Variants in TRIO observed in about 807,000 individuals in gnomAD.
TRIO encodes the protein trio Rho guanine nucleotide exchange factor, also known as triple functional domain protein.
A neutral mutation model predicts 351.9 loss-of-function variants in TRIO; 58 were observed. The ratio of observed to expected loss-of-function variants is 0.16; its 90% CI spans 0.13 to 0.21. The LOEUF (loss-of-function observed/expected upper bound fraction) is 0.21, where lower values mean the gene tolerates loss of function less well. Ranked by LOEUF, TRIO falls within the 10% of genes least tolerant of loss-of-function variation. The pLI, the probability that TRIO is intolerant of heterozygous loss-of-function variation, is 1.00. For synonymous variants in TRIO, 1,758 were observed against 1,595.7 expected, an observed-to-expected ratio of 1.10 and a Z score of -2.42; for missense variants, 3,201 against 4,027.8, an observed-to-expected ratio of 0.79 and a Z score of 5.56.
chr5:14,449,539 A>ACAG (rs1752686814), intron 34 of TRIO, among the ~76,000 whole-genome samples: 2 of 152,190 alleles, frequency 1.3e-5, no homozygotes, highest in Admixed American at 6.5e-5. Context: ...ACAAGGCAGA[A>ACAG]CAGCTATAGG....
intron 53 of TRIO, among the ~76,000 whole-genome samples, chr5:14,500,049 T>TA (rs759222831): frequency 0.026 from 2,011 of 76,444 alleles, 52 homozygotes; most frequent in African/African-American, 0.072. Flanking sequence ...AGACTCTGTC[T>TA]CAAAAAAAAA....
intron 11 of TRIO, among the ~76,000 whole-genome samples, chr5:14,344,516 AT>A (rs1480268177): frequency 6.6e-6 from 1 of 152,210 alleles, no homozygotes; most frequent in East Asian, 1.9e-4. Context: ...GGATAATACA[AT>A]CTCTAAGGAA....
chr5:14,488,020 G>A lies in TRIO; in HGVS notation c.7392G>A (p.Ala2464=). ...CGCTGAACTCGCCGCTCTCCAGCGC[G>A]GTCCCTTCTCTCGGCAAGGAGCCCT... ...ASPLNSPLSS[A]VPSLGKEPFP... is the part of the protein sequence containing the mutation. Residue 2464 remains alanine, a synonymous_variant, in exon 48 of 57, where the codon GCG becomes GCA. Coordinates refer to ENST00000344204, the MANE Select transcript of TRIO (RefSeq NM_007118.4). The A allele has an allele frequency of 6.3e-7, 1 of 1,595,556 alleles. No individual in the cohort carries two copies. Among genetic ancestry groups the A allele is most frequent in the South Asian group, 1.1e-5 (1 of 88,348 alleles).
intron 18 of TRIO, among the ~76,000 whole-genome samples, chr5:14,372,523 A>G (rs548686699): frequency 6.6e-6 from 1 of 152,186 alleles, no homozygotes; most frequent in South Asian, 2.1e-4. Flanking sequence ...TAATTCTATC[A>G]TTTCCTTTGG....
rs551682098 is a variant in TRIO, at chr5:14,489,698, A to C, written c.7632+1438A>C. Among the ~76,000 whole-genome samples the C allele has an allele frequency of 3.3e-5, 5 of 152,362 alleles. No homozygotes were observed. In the South Asian group the frequency reaches 6.2e-4, roughly 19 times the overall value. On this transcript the variant is annotated intron_variant, in intron 48 of 56. Transcript: ENST00000344204. The stretch of plus-strand genomic sequence containing the variant: ...CTGCTCCAAGACAGGAGCCAATGCC[A>C]GTCTTCTCTGGACATTCATGAGAAG...
At chr5:14,177,600 CAG>C (rs372244889) in intron 1 of TRIO, among the ~76,000 whole-genome samples, 242 of 152,320 alleles carry the variant, frequency 1.6e-3, no homozygotes, top group African/African-American at 5.6e-3. Context: ...AAAAAGCTAA[CAG>C]GGTAGAGAGA....
rs570866791 is a variant in TRIO at position 14,401,082 on chromosome 5, T to C, written c.4716+18T>C. 5.0e-6 allele frequency: 8 copies of C among 1,602,068 alleles called. No individual in the cohort carries two copies. In the African/African-American group the frequency reaches 9.4e-5, roughly 19 times the overall value. On this transcript the variant is annotated intron_variant, in intron 31 of 56. Coordinates refer to ENST00000344204, the MANE Select transcript of TRIO (RefSeq NM_007118.4). ...TCCTTAAGGTACGTTCATTTGAAGC[T>C]GGGAATGTGCTGTTTGAAACATTTA...
chr5:14,413,690 C>T (rs927774856), intron 33 of TRIO, among the ~76,000 whole-genome samples: 2 of 152,174 alleles, frequency 1.3e-5, no homozygotes, highest in South Asian at 4.1e-4. Context: ...CAAAATCCCC[C>T]AGGCAGAAGT....
At chr5:14,203,401 C>T (rs1791257481) in intron 1 of TRIO, among the ~76,000 whole-genome samples, 1 of 152,136 alleles carries the variant, frequency 6.6e-6, no homozygotes, top group Non-Finnish European at 1.5e-5. Context: ...AAAAGCCTTA[C>T]AAAACATCAT....
intron 34 of TRIO, among the ~76,000 whole-genome samples, chr5:14,460,359 G>A (rs1386293410): frequency 6.6e-6 from 1 of 152,200 alleles, no homozygotes; most frequent in African/African-American, 2.4e-5. Flanking sequence ...AAGAGGCTGA[G>A]GGCCGCTCCT....
Position 14,508,286 on chromosome 5 carries a change from GC to G in TRIO, c.9159del (p.Asn3054ThrfsTer13), listed in dbSNP as rs1331540942. On this transcript the variant is annotated frameshift_variant, in exon 57 of 57. Transcript: ENST00000344204. LOFTEE classifies it high-confidence loss of function. Reference sequence around the variant, plus strand: ...CTCCAGGAGCAGTGGCTGCAGGCCGGCAACGGCAGAAGCACGGGCGTCCTCG... The same window carrying G: ...CTCCAGGAGCAGTGGCTGCAGGCCGGAACGGCAGAAGCACGGGCGTCCTCG... ...LALQEQWLQAGNGRSTGVLDT... is the reference protein window; with the variant it reads ...LALQEQWLQAXNGRSTGVLDT... 4 of 1,613,770 alleles carry G rather than the reference GC, an allele frequency of 2.5e-6. No homozygotes were observed. The highest frequency in any genetic ancestry group is 3.4e-6 in the Non-Finnish European group (4 of 1,180,046).
chr5:14,283,103 T>A (rs1013253707), intron 3 of TRIO, among the ~76,000 whole-genome samples: 2 of 152,188 alleles, frequency 1.3e-5, no homozygotes, highest in Non-Finnish European at 2.9e-5. Flanking sequence ...ATTTCACCAA[T>A]CTGTAAAAAT....
At chr5:14,455,017 G>A (rs932050436) in intron 34 of TRIO, among the ~76,000 whole-genome samples, 2 of 150,398 alleles carry the variant, frequency 1.3e-5, no homozygotes, top group African/African-American at 2.5e-5. Flanking sequence ...TTGTTCATTC[G>A]TCCCGGTGGG....
At chr5:14,265,099 T>TC (rs534347472) in intron 1 of TRIO, among the ~76,000 whole-genome samples, 22 of 149,212 alleles carry the variant, frequency 1.5e-4, no homozygotes, top group African/African-American at 4.6e-4. Context: ...TTTTTTTTTT[T>TC]CCCAATCTCT....
At chr5:14,394,907 T>C (rs1268898419) in intron 28 of TRIO, among the ~76,000 whole-genome samples, 1 of 152,198 alleles carries the variant, frequency 6.6e-6, no homozygotes, top group Non-Finnish European at 1.5e-5. Context: ...ATTGACAGAT[T>C]TTGTCTGGTA....
chr5:14,393,437 C>G (rs889393185), intron 27 of TRIO, among the ~76,000 whole-genome samples: 1 of 152,154 alleles, frequency 6.6e-6, no homozygotes, highest in African/African-American at 2.4e-5. Flanking sequence ...GAAATCATGC[C>G]TGAGAGATTT....
chr5:14,399,754 G>A lies in TRIO; in HGVS notation c.4614+684G>A, dbSNP rs115690285. Among the ~76,000 whole-genome samples the A allele has an allele frequency of 6.0e-3, 911 of 152,260 alleles. 9 individuals carry two copies. Among genetic ancestry groups the A allele is most frequent in the African/African-American group, 0.021 (866 of 41,540 alleles). ...TACCAGCCTCCCCAAGGGCAGCATC[G>A]TCTCTGGATCCAGTGTACTTCCATC... On this transcript the variant is annotated intron_variant, in intron 30 of 56. Coordinates refer to ENST00000344204, the MANE Select transcript of TRIO (RefSeq NM_007118.4).
At chr5:14,414,819 A>G (rs1749506681) in intron 33 of TRIO, among the ~76,000 whole-genome samples, 1 of 152,140 alleles carries the variant, frequency 6.6e-6, no homozygotes, top group Non-Finnish European at 1.5e-5. Flanking sequence ...TGGCGTGAGC[A>G]CGGAGGGCCT....
At chr5:14,425,098 C>T (rs943585374) in intron 34 of TRIO, among the ~76,000 whole-genome samples, 4 of 152,214 alleles carry the variant, frequency 2.6e-5, no homozygotes, top group South Asian at 2.1e-4. Context: ...CTTAACCATT[C>T]TTAAGTCTAC....
Sources: allele counts gnomAD v4.1 joint callset (sites outside exome capture counted in the v4.1 genomes callset), GRCh38; gene constraint gnomAD v4.1.1; transcripts MANE v1.5; gene names NCBI Gene and HGNC (gene_info 2026-07-23, HGNC 2026-07-21).